Variants in G3BP2 observed in about 807,000 individuals in gnomAD.
G3BP2 encodes G3BP stress granule assembly factor 2, also known as ras GTPase-activating protein-binding protein 2.
In G3BP2, 11 loss-of-function variants were observed where a neutral mutation model predicts 56.7. The observed-to-expected ratio is 0.19, with a 90% CI of 0.12 to 0.32. The LOEUF (loss-of-function observed/expected upper bound fraction) is 0.32, where lower values mean the gene tolerates loss of function less well. Among genes scored for constraint, G3BP2 ranks in the 10% least tolerant of loss-of-function variants. The pLI, the probability that G3BP2 is intolerant of heterozygous loss-of-function variation, is 1.00. For missense variants in G3BP2, 340 were observed against 610.9 expected (o/e 0.56, Z 4.67); for synonymous variants, 165 against 191.6 (o/e 0.86, Z 1.15).
chr4:75,664,984 A>T (rs1333777187), intron 1 of G3BP2, among the ~76,000 whole-genome samples: 1 of 152,054 alleles, frequency 6.6e-6, no homozygotes, highest in Non-Finnish European at 1.5e-5. Context: ...GAGAGACCCC[A>T]TCTCTATACA....
intron 3 of G3BP2, among the ~76,000 whole-genome samples, chr4:75,703,317 C>T (rs72649456): frequency 0.037 from 5,698 of 152,266 alleles, 164 homozygotes; most frequent in Non-Finnish European, 0.056. Context: ...AACCAGACAG[C>T]ACTCCAGGAC....
At chr4:75,672,898 TCCCC>T in intron 1 of G3BP2, 1 of 571,788 alleles carries the variant, frequency 1.7e-6, no homozygotes, top group Non-Finnish European at 2.2e-6. Flanking sequence ...GCTGCGTGCC[TCCCC>T]CCCCACTTCG....
rs1196405237 is a variant in G3BP2 at position 75,643,604 on chromosome 4, G to C, written c.*1826C>G. ...GACCTCATTCAAAGGGGGAAAAAGG[G>C]ACAGATTTTACTCATATTGCCCAGT... On this transcript the variant is annotated 3_prime_UTR_variant, in exon 12 of 12. Coordinates refer to ENST00000359707, the MANE Select transcript of G3BP2 (RefSeq NM_203505.3). 1 of 152,270 alleles carries C rather than the reference G, an allele frequency of 6.6e-6. No individual in the cohort carries two copies. The highest frequency in any genetic ancestry group is 1.5e-5 in the Non-Finnish European group (1 of 67,964). 9.4% of individuals were successfully genotyped at this position (152,270 alleles called of 1,614,324 possible). A position where few individuals can be genotyped will look rare whatever the true frequency, so the allele number is the denominator to read the frequency against.
chr4:75,681,185 G>A (rs1435957438), intron 3 of G3BP2, among the ~76,000 whole-genome samples: 5 of 151,396 alleles, frequency 3.3e-5, no homozygotes, highest in Admixed American at 6.6e-5. Flanking sequence ...TTTGCCGGGC[G>A]TGGTGGCATG....
intron 3 of G3BP2, among the ~76,000 whole-genome samples, chr4:75,693,702 T>A (rs1434128069): frequency 1.3e-5 from 2 of 151,644 alleles, no homozygotes; most frequent in African/African-American, 4.8e-5. Flanking sequence ...GGCAGGAGAA[T>A]TGCTTGAACC....
chr4:75,642,826 C>G lies in G3BP2; in HGVS notation c.*2604G>C, dbSNP rs546287081. The G allele has an allele frequency of 5.9e-5, 9 of 152,608 alleles. No individual in the cohort carries two copies. In the South Asian group the frequency reaches 1.9e-3, roughly 32 times the overall value. The allele number at this position is 152,608 out of a possible 1,614,324, so 9.5% of individuals were successfully genotyped here. A position where few individuals can be genotyped will look rare whatever the true frequency, so the allele number is the denominator to read the frequency against. On this transcript the variant is annotated 3_prime_UTR_variant, in exon 12 of 12. Transcript: ENST00000359707. ...TAGTTTATTGTTTGTTTAGTCCAAA[C>G]ACATTCAATATGGAAACTCAAAGAA...
chr4:75,671,563 G>GTTCA (rs1466054187), intron 1 of G3BP2, among the ~76,000 whole-genome samples: 1 of 152,072 alleles, frequency 6.6e-6, no homozygotes, highest in African/African-American at 2.4e-5. Context: ...AAGCATTCTG[G>GTTCA]TTCACTCTTG....
intron 1 of G3BP2, among the ~76,000 whole-genome samples, chr4:75,723,641 G>A (rs934893911): frequency 6.6e-6 from 1 of 152,162 alleles, no homozygotes; most frequent in South Asian, 2.1e-4. Flanking sequence ...TACTGAGCAC[G>A]GCACGCACAC....
intron 6 of G3BP2, among the ~76,000 whole-genome samples, chr4:75,655,460 A>G (rs898415008): frequency 6.6e-6 from 1 of 152,232 alleles, no homozygotes; most frequent in Admixed American, 6.5e-5. Context: ...AAACTGAATT[A>G]CTAAGAATGT....
At chr4:75,672,988 C>T (rs1733618712) in intron 1 of G3BP2, 6 of 986,848 alleles carry the variant, frequency 6.1e-6, no homozygotes, top group Non-Finnish European at 7.2e-6. Context: ...CGCGGGTCAC[C>T]TCCCTTCCCA....
At chr4:75,700,504 T>G (rs536989760) in intron 3 of G3BP2, among the ~76,000 whole-genome samples, 2 of 148,344 alleles carry the variant, frequency 1.3e-5, no homozygotes, top group African/African-American at 5.0e-5. Flanking sequence ...CACTGCAACC[T>G]CGTCTTACCA....
intron 8 of G3BP2, among the ~76,000 whole-genome samples, chr4:75,652,509 C>T (rs1394394651): frequency 6.6e-6 from 1 of 152,136 alleles, no homozygotes; most frequent in Admixed American, 6.5e-5. Context: ...ACAATCCCAG[C>T]TATTCGGGAG....
chr4:75,653,204 T>C (rs1731832985), intron 8 of G3BP2, among the ~76,000 whole-genome samples: 3 of 152,110 alleles, frequency 2.0e-5, no homozygotes, highest in Middle Eastern at 6.8e-3. Context: ...AACCTCAAAA[T>C]TTCACTGCTT....
At chr4:75,673,542 G>T, upstream of G3BP2, 2 of 1,232,156 alleles carry the variant, frequency 1.6e-6, no homozygotes, top group Non-Finnish European at 2.0e-6. Context: ...GTGTCCCTCT[G>T]CGGAGCACGC....
chr4:75,717,911 C>T (rs188630612), intron 3 of G3BP2, among the ~76,000 whole-genome samples: 2 of 152,022 alleles, frequency 1.3e-5, no homozygotes, highest in Admixed American at 6.6e-5. Flanking sequence ...GAGGCTGAGG[C>T]GGGTGGGTCA....
At chr4:75,677,976 T>C (rs1387608502), upstream of G3BP2, among the ~76,000 whole-genome samples, 3 of 152,214 alleles carry the variant, frequency 2.0e-5, no homozygotes, top group Non-Finnish European at 4.4e-5. Context: ...ATTAGTCTCT[T>C]TTGTGCTTTT....
intron 3 of G3BP2, among the ~76,000 whole-genome samples, chr4:75,658,111 C>T (rs553375535): frequency 6.6e-6 from 1 of 152,126 alleles, no homozygotes. Context: ...GTCTCACATC[C>T]TCTACACAAA....
chr4:75,657,520 C>T, intron 4 of G3BP2, 37 bp downstream of exon 4: 1 of 1,488,454 alleles, frequency 6.7e-7, no homozygotes, highest in South Asian at 1.2e-5. Context: ...CAACTAGCAA[C>T]CATATAAATG....
chr4:75,658,987 T>C (rs1246730321), intron 2 of G3BP2, 63 bp from the exon 3 acceptor site: 1 of 1,253,812 alleles, frequency 8.0e-7, no homozygotes, highest in African/African-American at 1.5e-5. Context: ...AGCAGAATTC[T>C]GGTGTCATAG....
Sources: allele counts gnomAD v4.1 joint callset (sites outside exome capture counted in the v4.1 genomes callset), GRCh38; gene constraint gnomAD v4.1.1; transcripts MANE v1.5; gene names NCBI Gene and HGNC (gene_info 2026-07-23, HGNC 2026-07-21).